The following ARHGEF33 variants were observed in gnomAD, a reference collection of about 807,000 sequenced individuals.
ARHGEF33 encodes the protein Rho guanine nucleotide exchange factor 33, also known as DH and coiled-coil domain-containing protein ENSP00000381780.
A neutral mutation model predicts 101.9 loss-of-function variants in ARHGEF33; 72 were observed. That is an observed-to-expected ratio of 0.71 (90% CI 0.58 to 0.86). The LOEUF (loss-of-function observed/expected upper bound fraction) is 0.86, where lower values mean the gene tolerates loss of function less well. ARHGEF33 is among the 40% of genes least tolerant of loss of function. The pLI is 0.00. For missense variants in ARHGEF33, 1,169 were observed against 1,111.3 expected, an observed-to-expected ratio of 1.05 and a Z score of -0.74; for synonymous variants, 499 against 442.5, an observed-to-expected ratio of 1.13 and a Z score of -1.60.
intron 17 of ARHGEF33, chr2:38,971,785 A>G (rs991745268): frequency 6.3e-5 from 45 of 717,350 alleles, no homozygotes; most frequent in East Asian, 3.0e-4. Context: ...GGAAGGTACA[A>G]TTTGTGAGAA....
chr2:38,966,291 CG>C, intron 17 of ARHGEF33, 146 bp downstream of exon 17: 2 of 1,098,128 alleles, frequency 1.8e-6, no homozygotes, highest in Middle Eastern at 2.4e-4. Flanking sequence ...ACAGTTCCGG[CG>C]GGGTGAAGAT....
At chr2:38,928,804 T>A in intron 4 of ARHGEF33, 103 bp from the exon 5 acceptor site, 1 of 1,118,904 alleles carries the variant, frequency 8.9e-7, no homozygotes, top group South Asian at 1.7e-5. Context: ...GTCTGTAGAT[T>A]TTCAGGAGGC....
chr2:38,920,559 C>T (rs946565450), intron 3 of ARHGEF33, among the ~76,000 whole-genome samples: 1 of 151,978 alleles, frequency 6.6e-6, no homozygotes, highest in Admixed American at 6.6e-5. Flanking sequence ...AGGTGCCTGC[C>T]ACCACAGCCA....
chr2:38,935,994 C>T (rs1208218955), intron 8 of ARHGEF33, among the ~76,000 whole-genome samples, 160 bp downstream of exon 8: 1 of 152,178 alleles, frequency 6.6e-6, no homozygotes, highest in Non-Finnish European at 1.5e-5. Flanking sequence ...TGTACTAGAG[C>T]AGGTCAGTGA....
chr2:38,890,038 T>G (rs1665962000), intron 1 of ARHGEF33, 52 bp downstream of exon 1: 1 of 389,832 alleles, frequency 2.6e-6, no homozygotes, highest in South Asian at 2.0e-5. Context: ...GGAAACAATT[T>G]TATAAGAGAT....
intron 5 of ARHGEF33, 45 bp downstream of exon 5, chr2:38,929,116 T>G: frequency 1.4e-6 from 2 of 1,465,608 alleles, no homozygotes; most frequent in South Asian, 1.3e-5. Context: ...AATTTTGGTC[T>G]CAGTAACAGC....
In ARHGEF33 at chr2:38,943,967, T is replaced by A; in HGVS notation, c.857T>A (p.Leu286Gln). ...SERKYVINIS[L>Q]ILKIKATFQG... ...AGAAAATATGTCATTAACATCTCTC[T>A]GATCTTGAAGATAAAAGCCACATTC... Residue 286 changes from leucine (L) to glutamine (Q), a missense_variant, in exon 10 of 18, where the codon CTG becomes CAG. Coordinates refer to ENST00000409978, the MANE Select transcript of ARHGEF33 (RefSeq NM_001145451.5). The A allele has an allele frequency of 6.4e-7, 1 of 1,551,740 alleles. No individual in the cohort carries two copies. Among genetic ancestry groups the A allele is most frequent in the Non-Finnish European group, 8.7e-7 (1 of 1,146,950 alleles).
intron 16 of ARHGEF33, among the ~76,000 whole-genome samples, chr2:38,963,685 T>C (rs937403735): frequency 3.3e-5 from 5 of 152,228 alleles, no homozygotes; most frequent in South Asian, 2.1e-4. Flanking sequence ...AGCCCATTTC[T>C]CAAAATATGG....
chr2:38,968,072 C>G (rs1668090579), intron 17 of ARHGEF33, among the ~76,000 whole-genome samples: 1 of 151,268 alleles, frequency 6.6e-6, no homozygotes, highest in African/African-American at 2.4e-5. Context: ...CCACTGGTCC[C>G]TTTACTAATT....
At chr2:38,955,607 C>G (rs1667720791) in intron 13 of ARHGEF33, among the ~76,000 whole-genome samples, 1 of 139,734 alleles carries the variant, frequency 7.2e-6, no homozygotes, top group South Asian at 2.4e-4. Flanking sequence ...TCAAGCAATG[C>G]TCCCACCTCG....
chr2:38,909,284 G>C (rs1666458634), intron 2 of ARHGEF33, among the ~76,000 whole-genome samples: 1 of 152,030 alleles, frequency 6.6e-6, no homozygotes, highest in Non-Finnish European at 1.5e-5. Flanking sequence ...GAGATGTCTG[G>C]TGGCAGAGTC....
chr2:38,893,239 T>C (rs1379272828), intron 1 of ARHGEF33, among the ~76,000 whole-genome samples: 1 of 151,836 alleles, frequency 6.6e-6, no homozygotes, highest in Non-Finnish European at 1.5e-5. Flanking sequence ...CTTGGCTCAC[T>C]GCAACCTCTG....
rs954398994 is a variant in ARHGEF33, at chr2:38,908,074, A to G, written c.-85-11289A>G. Among the ~76,000 whole-genome samples the G allele has an allele frequency of 2.0e-5, 3 of 151,964 alleles. 1 individual carries two copies. Among genetic ancestry groups the G allele is most frequent in the African/African-American group, 7.2e-5 (3 of 41,384 alleles). ...AAGATAGGGTCTCACTATGTTGCCC[A>G]GATTGGTCTTGAACTCCTGGGCTCA... On this transcript the variant is annotated intron_variant, in intron 2 of 17. Transcript: ENST00000409978.
intron 4 of ARHGEF33, among the ~76,000 whole-genome samples, chr2:38,926,387 G>C (rs1188747625): frequency 6.6e-6 from 1 of 152,180 alleles, no homozygotes; most frequent in East Asian, 1.9e-4. Flanking sequence ...ACAAGGGAGT[G>C]GTCAGGGTCG....
chr2:38,925,512 C>T (rs1558429989), intron 4 of ARHGEF33, among the ~76,000 whole-genome samples: 1 of 152,014 alleles, frequency 6.6e-6, no homozygotes, highest in Admixed American at 6.6e-5. Flanking sequence ...TCAGTAAGGC[C>T]CTGCAAGAAT....
At position 38,935,727 on chromosome 2, in the gene ARHGEF33, C is replaced by T. The variant is rs184838250; in HGVS notation, c.506-48C>T. On this transcript the variant is annotated intron_variant, in intron 7 of 17. Coordinates refer to ENST00000409978, the MANE Select transcript of ARHGEF33 (RefSeq NM_001145451.5). ...GCCAGGCTCGTGGAAGGTGCTTAGT[C>T]CATGTTAGTGGAATGAACGCTGAAT... 2.7e-6 allele frequency: 4 copies of T among 1,500,824 alleles called. No individual in the cohort carries two copies. The African/African-American group carries it at 5.6e-5, about 21-fold the overall frequency. The allele number at this position is 1,500,824 out of a possible 1,614,324, so 93.0% of individuals were successfully genotyped here.
intron 9 of ARHGEF33, among the ~76,000 whole-genome samples, chr2:38,942,826 G>T (rs1295440547): frequency 6.6e-6 from 1 of 152,196 alleles, no homozygotes; most frequent in African/African-American, 2.4e-5. Flanking sequence ...GTAAGAAAGA[G>T]CTCTTAGAAA....
In ARHGEF33 at chr2:38,959,989, G is replaced by A. The variant is rs868859357; in HGVS notation, c.1684G>A (p.Glu562Lys). Residue 562 changes from glutamate (E) to lysine (K), a missense_variant, in exon 16 of 18, where the codon GAG becomes AAG. Physicochemically the swap from Glu to Lys is moderately conservative, Grantham distance 56. Transcript: ENST00000409978. Reference sequence around the variant, plus strand: ...GGCACCGACGCAGTTCTGCGCGGCCGAGCAGGACGTGAAGGCGCTGGCCGG... The same window carrying A: ...GGCACCGACGCAGTTCTGCGCGGCCAAGCAGGACGTGAAGGCGCTGGCCGG... ...LLAPTQFCAAEQDVKALAGPL... is the reference protein window; with the variant it reads ...LLAPTQFCAAKQDVKALAGPL... The A allele has an allele frequency of 1.3e-6, 2 of 1,550,724 alleles. No homozygotes were observed. Among genetic ancestry groups the A allele is most frequent in the Non-Finnish European group, 1.7e-6 (2 of 1,146,648 alleles).
chr2:38,958,937 G>C (rs1224883364), intron 15 of ARHGEF33, among the ~76,000 whole-genome samples: 2 of 152,216 alleles, frequency 1.3e-5, no homozygotes, highest in African/African-American at 4.8e-5. Context: ...TAGAGACGGG[G>C]TTTTACCATG....
Sources: allele counts gnomAD v4.1 joint callset (sites outside exome capture counted in the v4.1 genomes callset), GRCh38; gene constraint gnomAD v4.1.1; transcripts MANE v1.5; gene names NCBI Gene and HGNC (gene_info 2026-07-23, HGNC 2026-07-21).